Variants in MARCHF3 observed in about 807,000 individuals in gnomAD.
MARCHF3 encodes the protein E3 ubiquitin-protein ligase MARCHF3.
A neutral mutation model predicts 24.2 loss-of-function variants in MARCHF3; 13 were observed. The ratio of observed to expected loss-of-function variants is 0.54; its 90% CI spans 0.35 to 0.85. The LOEUF (loss-of-function observed/expected upper bound fraction) is 0.85. Among genes scored for constraint, MARCHF3 ranks in the 40% least tolerant of loss-of-function variants. MARCHF3 has a pLI of 0.01. For synonymous variants in MARCHF3, 144 were observed against 137.3 expected (o/e 1.05, Z -0.34); for missense variants, 276 against 325.0 (o/e 0.85, Z 1.16).
intron 1 of MARCHF3, among the ~76,000 whole-genome samples, chr5:126,977,027 G>A (rs1751224536): frequency 6.6e-6 from 1 of 152,252 alleles, no homozygotes; most frequent in Non-Finnish European, 1.5e-5. Context: ...CACATTTGGA[G>A]GCACAGGTTT....
chr5:126,888,074 G>T (rs1467921145), intron 3 of MARCHF3, among the ~76,000 whole-genome samples: 1 of 152,184 alleles, frequency 6.6e-6, no homozygotes, highest in Non-Finnish European at 1.5e-5. Flanking sequence ...AATATTAGCT[G>T]AAGAAATAAA....
Position 126,985,130 on chromosome 5 carries a change from TGGG to T in MARCHF3, c.-57+45217_-57+45219del, listed in dbSNP as rs1177793216. 2.6e-5 allele frequency among the ~76,000 whole-genome samples: 4 copies of T among 152,256 alleles called. No homozygotes were observed. The East Asian group carries it at 7.7e-4, about 29-fold the overall frequency. Reference sequence around the variant, plus strand: ...GGACCTGGAGGATGGGGATTTCCTTTGGGGGGACTACTCTTGGCTTTTGTAACA... The same window carrying T: ...GGACCTGGAGGATGGGGATTTCCTTTGGGACTACTCTTGGCTTTTGTAACA... On this transcript the variant is annotated intron_variant, in intron 1 of 4. Transcript: ENST00000308660.
intron 3 of MARCHF3, among the ~76,000 whole-genome samples, chr5:126,886,093 A>G (rs1051157067): frequency 2.0e-5 from 3 of 152,054 alleles, no homozygotes; most frequent in African/African-American, 7.2e-5. Context: ...TACAACTCCA[A>G]TTCAACCAAA....
At chr5:126,947,227 C>T (rs748078899) in intron 1 of MARCHF3, among the ~76,000 whole-genome samples, 6 of 152,160 alleles carry the variant, frequency 3.9e-5, no homozygotes, top group Non-Finnish European at 8.8e-5. Context: ...CATTTATTGA[C>T]AAAGGAATTA....
At chr5:126,927,392 T>TGAACCTCTTTAGGGAACCTCTTTAGG (rs556798236) in intron 1 of MARCHF3, among the ~76,000 whole-genome samples, 1 of 152,264 alleles carries the variant, frequency 6.6e-6, no homozygotes, top group African/African-American at 2.4e-5. Context: ...AAAGCACTTA[T>TGAACCTCTTTAGGGAACCTCTTTAGG]GAACCTCTTT....
intron 1 of MARCHF3, among the ~76,000 whole-genome samples, chr5:126,934,474 A>T (rs1749575665): frequency 1.3e-5 from 2 of 150,944 alleles, no homozygotes; most frequent in African/African-American, 2.4e-5. Context: ...CCTTATGTTC[A>T]TTACCAGACT....
chr5:126,914,851 G>A, intron 3 of MARCHF3, 79 bp downstream of exon 3: 1 of 1,427,032 alleles, frequency 7.0e-7, no homozygotes, highest in South Asian at 1.2e-5. Flanking sequence ...AAGCTGTACA[G>A]GGCTTGTGAT....
intron 3 of MARCHF3, among the ~76,000 whole-genome samples, chr5:126,912,034 G>A (rs1303655650): frequency 1.3e-5 from 2 of 152,202 alleles, no homozygotes; most frequent in Non-Finnish European, 2.9e-5. Context: ...AGGAGGGCAT[G>A]CCCAGTTTGG....
intron 1 of MARCHF3, among the ~76,000 whole-genome samples, chr5:126,926,714 G>A (rs2126800947): frequency 6.6e-6 from 1 of 152,168 alleles, no homozygotes; most frequent in South Asian, 2.1e-4. Context: ...TCCTGGCTTT[G>A]AACCACCACC....
At chr5:126,876,536 T>C (rs562495991) in intron 4 of MARCHF3, among the ~76,000 whole-genome samples, 35 of 152,320 alleles carry the variant, frequency 2.3e-4, no homozygotes, top group South Asian at 4.1e-4. Flanking sequence ...AGGAGTTAGA[T>C]AGTGCTGCTT....
At chr5:126,887,775 C>T (rs942209547) in intron 3 of MARCHF3, among the ~76,000 whole-genome samples, 3 of 152,166 alleles carry the variant, frequency 2.0e-5, no homozygotes, top group Non-Finnish European at 4.4e-5. Context: ...CTCCTCTACC[C>T]ATGGCAGGTT....
At chr5:126,950,811 C>T (rs1750206127) in intron 1 of MARCHF3, among the ~76,000 whole-genome samples, 1 of 152,180 alleles carries the variant, frequency 6.6e-6, no homozygotes. Context: ...TACAGCAAAT[C>T]TCCCTGAAAT....
At chr5:126,939,591 C>G (rs556789104) in intron 1 of MARCHF3, among the ~76,000 whole-genome samples, 4 of 152,212 alleles carry the variant, frequency 2.6e-5, no homozygotes, top group African/African-American at 9.6e-5. Context: ...AATCTTAACA[C>G]CAGAGATTCA....
chr5:126,965,616 CAT>C (rs1750780699), intron 1 of MARCHF3, among the ~76,000 whole-genome samples: 2 of 152,102 alleles, frequency 1.3e-5, no homozygotes, highest in East Asian at 1.9e-4. Context: ...AGTTTGGAAA[CAT>C]ATGGGAGAAG....
At chr5:126,885,150 C>T (rs540803557) in intron 3 of MARCHF3, among the ~76,000 whole-genome samples, 2 of 152,310 alleles carry the variant, frequency 1.3e-5, no homozygotes. Flanking sequence ...TGAAACGATG[C>T]TATTTCTTTA....
chr5:127,023,097 G>A (rs564689131), intron 1 of MARCHF3, among the ~76,000 whole-genome samples: 2 of 152,348 alleles, frequency 1.3e-5, no homozygotes, highest in African/African-American at 2.4e-5. Context: ...ATCAGACCAT[G>A]TGTTAAACAT....
intron 1 of MARCHF3, among the ~76,000 whole-genome samples, chr5:127,029,659 C>T (rs1200275393): frequency 2.6e-5 from 4 of 152,200 alleles, no homozygotes; most frequent in Non-Finnish European, 4.4e-5. Context: ...CTTTCGCAGC[C>T]TCTAGGATTC....
chr5:126,975,082 G>A (rs1471371296), intron 1 of MARCHF3, among the ~76,000 whole-genome samples: 3 of 152,072 alleles, frequency 2.0e-5, no homozygotes, highest in African/African-American at 4.8e-5. Flanking sequence ...TCAGCCTCCC[G>A]AGTAGCTGGG....
At chr5:126,937,801 T>C (rs1034201705) in intron 1 of MARCHF3, among the ~76,000 whole-genome samples, 3 of 152,178 alleles carry the variant, frequency 2.0e-5, no homozygotes, top group Non-Finnish European at 4.4e-5. Context: ...TTAATTCTTT[T>C]ACAGAATCGA....
Sources: gnomAD v4.1 joint callset for allele counts (sites outside exome capture counted in the v4.1 genomes callset) on GRCh38, gnomAD v4.1.1 for gene constraint, MANE v1.5 for transcripts, NCBI Gene and HGNC (gene_info 2026-07-23, HGNC 2026-07-21) for gene names.